The following POLK variants were observed in gnomAD, a reference collection of about 807,000 sequenced individuals.
The protein encoded by POLK is DNA polymerase kappa.
Under a neutral mutation model 94.0 loss-of-function variants are expected in POLK, and 76 were observed. The observed-to-expected ratio is 0.81, with a 90% CI of 0.67 to 0.98. The LOEUF (loss-of-function observed/expected upper bound fraction) is 0.98, where lower values mean the gene tolerates loss of function less well. Among genes scored for constraint, POLK ranks in the 50% least tolerant of loss-of-function variants. POLK has a pLI of 0.00. For missense variants in POLK, 954 were observed against 1,010.1 expected (o/e 0.94, Z 0.75); for synonymous variants, 349 against 325.4 (o/e 1.07, Z -0.78).
the POLK span, chr5:75,609,951 A>G: frequency 6.6e-6 from 1 of 152,230 alleles, no homozygotes; most frequent in African/African-American, 2.4e-5. Context: ...TCTTTTGTAA[A>G]TTTGTAAGAA....
At position 75,581,459 on chromosome 5, in the gene POLK, G is replaced by A. The variant is rs985569860; in HGVS notation, c.934+11G>A. 6 of 1,608,334 alleles carry A rather than the reference G, an allele frequency of 3.7e-6. No individual in the cohort carries two copies. Among genetic ancestry groups the A allele is most frequent in the Non-Finnish European group, 5.1e-6 (6 of 1,175,338 alleles). On this transcript the variant is annotated intron_variant, in intron 7 of 14. Coordinates refer to ENST00000241436, the Ensembl canonical transcript of POLK. ...TGACAGCCAGTGCAGGTATTTAAAAGAGTATTGATGGCCACTGTAGTTATA... is the reference window on the plus strand; with the variant it reads ...TGACAGCCAGTGCAGGTATTTAAAAAAGTATTGATGGCCACTGTAGTTATA...
chr5:75,535,240 C>T (rs547680355), intron 1 of POLK, among the ~76,000 whole-genome samples: 22 of 152,252 alleles, frequency 1.4e-4, no homozygotes, highest in African/African-American at 3.6e-4. Flanking sequence ...ATATGGAATT[C>T]TTGGTTGAAA....
chr5:75,559,512 TGTTTTG>T (rs780552307), intron 3 of POLK, among the ~76,000 whole-genome samples: 149 of 141,472 alleles, frequency 1.1e-3, no homozygotes, highest in South Asian at 3.1e-3. Flanking sequence ...TTTGTTTTTT[TGTTTTG>T]TTTTGTTTTT....
At chr5:75,593,798 G>C (rs529616510) in intron 11 of POLK, 80 bp from the exon 12 acceptor site, 68 of 786,030 alleles carry the variant, frequency 8.7e-5, no homozygotes, top group Non-Finnish European at 1.3e-4. Flanking sequence ...AGCTACAGCT[G>C]TGCCAGCGCA....
chr5:75,511,424 C>T, upstream of POLK: 2 of 1,542,258 alleles, frequency 1.3e-6, no homozygotes. Flanking sequence ...GTGAAGGAAG[C>T]CTACCCTTCC....
At chr5:75,552,619 G>C (rs1167772558) in intron 3 of POLK, 28 bp downstream of exon 3, 2 of 1,570,440 alleles carry the variant, frequency 1.3e-6, no homozygotes, top group African/African-American at 2.7e-5. Flanking sequence ...AAATAAAGTG[G>C]AAGCTGGTAG....
intron 1 of POLK, among the ~76,000 whole-genome samples, chr5:75,527,012 TCATAAG>T (rs1768891911): frequency 6.6e-6 from 1 of 152,222 alleles, no homozygotes; most frequent in Admixed American, 6.5e-5. Flanking sequence ...GTTTTAATGT[TCATAAG>T]CATAAACCAT....
At chr5:75,607,905 T>G in the POLK span, among the ~76,000 whole-genome samples, 2 of 152,118 alleles carry the variant, frequency 1.3e-5, no homozygotes, top group Non-Finnish European at 2.9e-5. Flanking sequence ...TAGATGAATA[T>G]ACAAAGTGGG....
chr5:75,525,094 T>C (rs186573748), intron 1 of POLK, among the ~76,000 whole-genome samples: 152 of 152,310 alleles, frequency 1.0e-3, no homozygotes, highest in African/African-American at 3.4e-3. Flanking sequence ...TCTTACAACA[T>C]AGCATTTACA....
rs1016272724 is a variant in POLK at position 75,597,658 on chromosome 5, A to G, written c.2486-89A>G. On this transcript the variant is annotated intron_variant, in intron 13 of 14. Coordinates refer to ENST00000241436, the Ensembl canonical transcript of POLK. Reference sequence around the variant, plus strand: ...ATATAGTACTAAGGAAGTTTAATCAATAAGTTTTAACTTTTTAAATTTGTA... The same window carrying G: ...ATATAGTACTAAGGAAGTTTAATCAGTAAGTTTTAACTTTTTAAATTTGTA... 17 of 689,862 alleles carry G rather than the reference A, an allele frequency of 2.5e-5. No homozygotes were observed. The East Asian group carries it at 3.4e-4, about 14-fold the overall frequency. 42.7% of individuals were successfully genotyped at this position (689,862 alleles called of 1,614,324 possible).
downstream of POLK, among the ~76,000 whole-genome samples, chr5:75,602,053 CA>C (rs1446109885): frequency 1.3e-5 from 2 of 152,186 alleles, no homozygotes; most frequent in African/African-American, 4.8e-5. Context: ...AGTTCAGTCA[CA>C]AGCTTCCTGG....
chr5:75,576,034 T>C (rs1475624665), intron 5 of POLK, among the ~76,000 whole-genome samples: 1 of 152,112 alleles, frequency 6.6e-6, no homozygotes, highest in African/African-American at 2.4e-5. Context: ...AAAAAAGTCA[T>C]AGTTTTATGT....
intron 1 of POLK, among the ~76,000 whole-genome samples, chr5:75,524,548 T>A (rs5744562): frequency 1.3e-4 from 20 of 152,098 alleles, no homozygotes; most frequent in African/African-American, 4.6e-4. Context: ...TATTTGCTTT[T>A]AAATTTTTGA....
At chr5:75,540,117 T>C (rs993826084) in intron 1 of POLK, among the ~76,000 whole-genome samples, 9 of 152,160 alleles carry the variant, frequency 5.9e-5, no homozygotes, top group African/African-American at 2.2e-4. Context: ...ATTGAAAGGA[T>C]CATTTTTCCA....
chr5:75,548,090 CTT>C (rs1417972379), intron 2 of POLK, among the ~76,000 whole-genome samples: 1 of 152,034 alleles, frequency 6.6e-6, no homozygotes, highest in African/African-American at 2.4e-5. Context: ...GCCTGGCTAA[CTT>C]TTTATTTTTT....
At chr5:75,596,928 T>C (rs1773119823) in exon 13 of POLK, 2 of 1,613,354 alleles carry the variant, frequency 1.2e-6, no homozygotes, top group South Asian at 1.1e-5. Flanking sequence ...ATCAGAATTC[T>C]TCTTCTACTG....
chr5:75,596,921 A>C (rs1209381130), exon 13 of POLK: 2 of 1,613,540 alleles, frequency 1.2e-6, no homozygotes, highest in East Asian at 2.2e-5. Flanking sequence ...CACTGTCATC[A>C]GAATTCTTCT....
the POLK span, among the ~76,000 whole-genome samples, chr5:75,607,422 T>C: frequency 6.7e-6 from 1 of 149,330 alleles, no homozygotes; most frequent in African/African-American, 2.5e-5. Context: ...GAGCTGAGAT[T>C]GCACCACTGC....
intron 1 of POLK, among the ~76,000 whole-genome samples, chr5:75,538,877 TCTC>T (rs1371252552): frequency 7.2e-5 from 11 of 152,118 alleles, no homozygotes; most frequent in Admixed American, 7.2e-4. Flanking sequence ...TTCAAGCAAT[TCTC>T]CTGCCTCAGC....
Sources: gnomAD v4.1 joint callset for allele counts (sites outside exome capture counted in the v4.1 genomes callset) on GRCh38, gnomAD v4.1.1 for gene constraint, MANE v1.5 for transcripts, NCBI Gene and HGNC (gene_info 2026-07-23, HGNC 2026-07-21) for gene names.